The following RNLS variants were observed in gnomAD, a reference collection of about 807,000 sequenced individuals.
RNLS encodes renalase.
A neutral mutation model predicts 39.8 loss-of-function variants in RNLS; 39 were observed. The observed-to-expected ratio is 0.98, with a 90% CI of 0.76 to 1.28. The LOEUF is 1.28. Ranked by LOEUF, RNLS falls within the 50% of genes most tolerant of loss-of-function variation. RNLS has a pLI of 0.00. For missense variants in RNLS, 410 were observed against 413.3 expected (o/e 0.99, Z 0.07); for synonymous variants, 147 against 150.7 (o/e 0.98, Z 0.18).
intron 4 of RNLS, among the ~76,000 whole-genome samples, chr10:88,457,577 T>C (rs1372488529): frequency 6.6e-6 from 1 of 152,214 alleles, no homozygotes; most frequent in Non-Finnish European, 1.5e-5. Flanking sequence ...CAATGCACTG[T>C]CTCTGGTGTG....
the RNLS span, among the ~76,000 whole-genome samples, chr10:88,216,459 T>C: frequency 6.6e-6 from 1 of 152,238 alleles, no homozygotes; most frequent in African/African-American, 2.4e-5. Flanking sequence ...AGTAATATAA[T>C]GACCTCCCAG....
chr10:88,209,787 G>A, the RNLS span, among the ~76,000 whole-genome samples: 1 of 152,164 alleles, frequency 6.6e-6, no homozygotes, highest in Non-Finnish European at 1.5e-5. Flanking sequence ...CACTAATAAT[G>A]GCTAACTTTG....
chr10:88,289,685 T>C (rs1207616599), intron 6 of RNLS, among the ~76,000 whole-genome samples: 1 of 152,174 alleles, frequency 6.6e-6, no homozygotes. Context: ...CTGGACCATA[T>C]GAAAGTGTGC....
chr10:88,175,291 G>A, the RNLS span, among the ~76,000 whole-genome samples: 1 of 151,786 alleles, frequency 6.6e-6, no homozygotes, highest in African/African-American at 2.4e-5. Flanking sequence ...TTCCCAATTT[G>A]GGGTTTGGTT....
Position 88,285,146 on chromosome 10 carries a change from G to A in RNLS, c.*208C>T, listed in dbSNP as rs286484. ...CATAGCAATTCAGAAAAGTAGGGAA[G>A]GTGCAAGGTGTGAGGAATTTCCATT... On this transcript the variant is annotated 3_prime_UTR_variant, in exon 7 of 7. Transcript: ENST00000331772. The A allele has an allele frequency of 2.0e-3, 2,341 of 1,156,388 alleles. 3 individuals are homozygous for A. The highest frequency in any genetic ancestry group is 4.3e-3 in the Middle Eastern group (12 of 2,778). 71.6% of individuals were successfully genotyped at this position (1,156,388 alleles called of 1,614,324 possible).
At chr10:88,375,868 G>C (rs1713655959) in intron 4 of RNLS, among the ~76,000 whole-genome samples, 1 of 152,176 alleles carries the variant, frequency 6.6e-6, no homozygotes, top group African/African-American at 2.4e-5. Context: ...AGAAGGATCA[G>C]ATGATTATAT....
chr10:88,483,177 A>G (rs911075912), intron 4 of RNLS, among the ~76,000 whole-genome samples: 1 of 152,144 alleles, frequency 6.6e-6, no homozygotes, highest in African/African-American at 2.4e-5. Flanking sequence ...TATATTCAAA[A>G]TTTAGCAGTT....
chr10:88,362,922 T>C (rs1849753918), intron 4 of RNLS, among the ~76,000 whole-genome samples, 197 bp from the exon 5 acceptor site: 1 of 152,194 alleles, frequency 6.6e-6, no homozygotes, highest in South Asian at 2.1e-4. Flanking sequence ...TGGCAAATTG[T>C]TTTTATCAAG....
the RNLS span, among the ~76,000 whole-genome samples, chr10:88,217,901 A>G: frequency 5.3e-5 from 8 of 152,086 alleles, no homozygotes; most frequent in African/African-American, 1.2e-4. Context: ...TTAGCTGGTC[A>G]TGGTGGCAGG....
chr10:88,565,928 T>G (rs1849471451), intron 4 of RNLS, among the ~76,000 whole-genome samples: 1 of 151,856 alleles, frequency 6.6e-6, no homozygotes, highest in African/African-American at 2.4e-5. Context: ...TTTTGTATTT[T>G]TGGTAGAGAT....
the RNLS span, among the ~76,000 whole-genome samples, chr10:88,256,625 TG>T: frequency 6.6e-6 from 1 of 152,208 alleles, no homozygotes; most frequent in Admixed American, 6.5e-5. Flanking sequence ...AAGATAAACA[TG>T]GAGGCTGTAT....
chr10:88,356,245 C>G (rs1849172593), intron 5 of RNLS, among the ~76,000 whole-genome samples: 1 of 152,174 alleles, frequency 6.6e-6, no homozygotes, highest in Admixed American at 6.5e-5. Context: ...GTCCAACAAG[C>G]CCCAGTGAGA....
At chr10:88,256,337 A>T in the RNLS span, among the ~76,000 whole-genome samples, 3 of 152,238 alleles carry the variant, frequency 2.0e-5, no homozygotes, top group African/African-American at 7.2e-5. Context: ...AGCATCACAA[A>T]TCCACATAAT....
chr10:88,401,505 T>A (rs1323680025), intron 4 of RNLS, among the ~76,000 whole-genome samples: 2 of 152,024 alleles, frequency 1.3e-5, no homozygotes, highest in Non-Finnish European at 2.9e-5. Context: ...ACTTTCTTTT[T>A]CTGATGGTTC....
At chr10:88,355,847 C>T (rs919967302) in intron 5 of RNLS, among the ~76,000 whole-genome samples, 6 of 152,220 alleles carry the variant, frequency 3.9e-5, no homozygotes, top group South Asian at 4.1e-4. Flanking sequence ...CCTTGAGCTG[C>T]GGTGGGCTCC....
intron 4 of RNLS, among the ~76,000 whole-genome samples, chr10:88,526,140 A>G (rs911775713): frequency 2.6e-5 from 4 of 152,046 alleles, no homozygotes; most frequent in African/African-American, 4.8e-5. Context: ...AATCAAAAAC[A>G]GACTCTGCCA....
At chr10:88,425,090 C>T (rs1854657414) in intron 4 of RNLS, among the ~76,000 whole-genome samples, 1 of 152,096 alleles carries the variant, frequency 6.6e-6, no homozygotes, top group South Asian at 2.1e-4. Context: ...GATATCCATG[C>T]CACAGCCATT....
At chr10:88,238,091 C>T in the RNLS span, among the ~76,000 whole-genome samples, 912 of 152,302 alleles carry the variant, frequency 6.0e-3, 7 homozygotes, top group Middle Eastern at 0.024. Flanking sequence ...ACAAACCAGA[C>T]TGTATTTCTC....
chr10:88,447,258 A>G (rs1842088235), intron 4 of RNLS, among the ~76,000 whole-genome samples: 1 of 152,194 alleles, frequency 6.6e-6, no homozygotes, highest in Non-Finnish European at 1.5e-5. Flanking sequence ...GTATATCTAG[A>G]AAACCCCATC....
Sources: gnomAD v4.1 joint callset for allele counts (sites outside exome capture counted in the v4.1 genomes callset) on GRCh38, gnomAD v4.1.1 for gene constraint, MANE v1.5 for transcripts, NCBI Gene and HGNC (gene_info 2026-07-23, HGNC 2026-07-21) for gene names.